Variants in CHRM5 observed in about 807,000 individuals in gnomAD.
The protein encoded by CHRM5 is cholinergic receptor muscarinic 5.
A neutral mutation model predicts 39.0 loss-of-function variants in CHRM5; 18 were observed. The ratio of observed to expected loss-of-function variants is 0.46; its 90% CI spans 0.32 to 0.68. The LOEUF (loss-of-function observed/expected upper bound fraction) is 0.68, where lower values mean the gene tolerates loss of function less well. Ranked by LOEUF, CHRM5 falls within the 30% of genes least tolerant of loss-of-function variation. The pLI, the probability that CHRM5 is intolerant of heterozygous loss-of-function variation, is 0.04. For missense variants in CHRM5, 515 were observed against 651.1 expected, an observed-to-expected ratio of 0.79 and a Z score of 2.28; for synonymous variants, 241 against 246.3, an observed-to-expected ratio of 0.98 and a Z score of 0.20.
chr15:33,991,700 A>G (rs1382812398), intron 1 of CHRM5: 1 of 152,202 alleles, frequency 6.6e-6, no homozygotes, highest in South Asian at 2.1e-4. Flanking sequence ...TGTAAGAAAA[A>G]AGCTAAAGAA....
rs545141943 is a variant in CHRM5, at chr15:34,014,732, T to C, written c.-407-31808T>C. 2.8e-4 allele frequency among the ~76,000 whole-genome samples: 43 copies of C among 152,260 alleles called. No homozygotes were observed. The South Asian group carries it at 8.7e-3, about 31-fold the overall frequency. ...CCCATCTGGGAACAGCGGCTAAATA[T>C]GTTGGGTCTACTCCAACAGCTGGTG... On this transcript the variant is annotated intron_variant, in intron 1 of 2. Transcript: ENST00000383263.
intron 1 of CHRM5, among the ~76,000 whole-genome samples, chr15:34,005,445 C>A (rs1187456838): frequency 1.5e-4 from 23 of 152,188 alleles, no homozygotes; most frequent in African/African-American, 5.5e-4. Context: ...TTTTTTATCT[C>A]CAATATTATC....
intron 1 of CHRM5, among the ~76,000 whole-genome samples, chr15:34,003,638 G>C (rs570017661): frequency 6.6e-6 from 1 of 152,090 alleles, no homozygotes; most frequent in African/African-American, 2.4e-5. Flanking sequence ...TAATTTTTTA[G>C]AGCAATGAAA....
chr15:34,063,115 C>T lies in CHRM5; in HGVS notation c.398C>T (p.Thr133Ile). Residue 133 changes from threonine (T) to isoleucine (I), a missense_variant, in exon 3 of 3, where the codon ACA (threonine) becomes ATA (isoleucine). By Grantham distance (89) the Thr-to-Ile change is moderately conservative. Coordinates refer to ENST00000383263, the MANE Select transcript of CHRM5 (RefSeq NM_012125.4). This position sits in a 1 kb window ranked among gnomAD's most constrained non-coding sequence, Gnocchi z 4.1. ...AGTTTTGACCGTTACTTTTCCATCA[C>T]AAGACCCTTGACATATCGGGCCAAG... ...VISFDRYFSI[T>I]RPLTYRAKRT... 1 of 1,614,196 alleles carries T rather than the reference C, an allele frequency of 6.2e-7. No homozygotes were observed. The highest frequency in any genetic ancestry group is 8.5e-7 in the Non-Finnish European group (1 of 1,180,036).
At chr15:34,042,400 T>G (rs1460759033) in intron 1 of CHRM5, among the ~76,000 whole-genome samples, 6 of 148,828 alleles carry the variant, frequency 4.0e-5, no homozygotes, top group Non-Finnish European at 1.5e-5. Flanking sequence ...ACCTAAGTTT[T>G]TTTTTTTTTT....
chr15:34,029,812 T>G (rs1200379409), intron 1 of CHRM5, among the ~76,000 whole-genome samples: 3 of 152,228 alleles, frequency 2.0e-5, no homozygotes, highest in African/African-American at 7.2e-5. Flanking sequence ...AATATAAGAC[T>G]AATCTTCAAT....
chr15:34,039,012 C>G, intron 1 of CHRM5: 2 of 1,124,164 alleles, frequency 1.8e-6, no homozygotes, highest in South Asian at 3.7e-5. Flanking sequence ...TGGCCGCCGC[C>G]CACGGCCTCC....
intron 1 of CHRM5, among the ~76,000 whole-genome samples, chr15:34,001,224 G>A (rs1442907246): frequency 6.6e-6 from 1 of 152,052 alleles, no homozygotes; most frequent in Non-Finnish European, 1.5e-5. Context: ...GTTTCACTAT[G>A]TTGGCCAGGA....
chr15:34,011,758 T>C (rs1897648225), intron 1 of CHRM5, among the ~76,000 whole-genome samples: 1 of 152,204 alleles, frequency 6.6e-6, no homozygotes, highest in African/African-American at 2.4e-5. Context: ...ATGTGTGTCA[T>C]TTTGCTTCCA....
At chr15:33,971,401 T>C (rs1895633640) in intron 1 of CHRM5, among the ~76,000 whole-genome samples, 1 of 152,092 alleles carries the variant, frequency 6.6e-6, no homozygotes, top group South Asian at 2.1e-4. Flanking sequence ...CCTATTGCTA[T>C]ATCCTTAAAT....
At chr15:33,990,077 G>T (rs1039890363) in intron 1 of CHRM5, among the ~76,000 whole-genome samples, 1 of 151,872 alleles carries the variant, frequency 6.6e-6, no homozygotes, top group Non-Finnish European at 1.5e-5. Context: ...GGTGGTGGGC[G>T]CCTATAATCC....
intron 2 of CHRM5, among the ~76,000 whole-genome samples, chr15:34,048,143 T>C (rs1440577160): frequency 1.3e-5 from 2 of 152,230 alleles, no homozygotes; most frequent in African/African-American, 4.8e-5. Context: ...TCCAAAGTGC[T>C]GGGATTACAG....
chr15:34,048,037 TTG>T (rs1337362496), intron 2 of CHRM5, among the ~76,000 whole-genome samples: 1 of 77,116 alleles, frequency 1.3e-5, no homozygotes, highest in South Asian at 4.4e-4. Flanking sequence ...GTGTGTGTGT[TTG>T]TGTGTGTGTG....
chr15:34,061,534 T>C (rs147075599), intron 2 of CHRM5, among the ~76,000 whole-genome samples: 1 of 152,350 alleles, frequency 6.6e-6, no homozygotes, highest in Admixed American at 6.5e-5. Context: ...TATTTATTAG[T>C]ATATGCATAT....
chr15:34,015,758 A>T (rs1054892283), intron 1 of CHRM5, among the ~76,000 whole-genome samples: 3 of 152,212 alleles, frequency 2.0e-5, no homozygotes, highest in Admixed American at 1.3e-4. Context: ...TCTCACACGG[A>T]TCTTCACTCC....
At chr15:34,049,745 C>T (rs566801613) in intron 2 of CHRM5, among the ~76,000 whole-genome samples, 47 of 151,924 alleles carry the variant, frequency 3.1e-4, no homozygotes, top group African/African-American at 1.1e-3. Flanking sequence ...GATTCTCCAA[C>T]GTTGAAATGA....
intron 1 of CHRM5, among the ~76,000 whole-genome samples, chr15:33,993,508 G>T (rs984463977): frequency 6.6e-6 from 1 of 152,126 alleles, no homozygotes; most frequent in African/African-American, 2.4e-5. Flanking sequence ...GGAAAGGGCT[G>T]CCTCTCCAAA....
intron 1 of CHRM5, among the ~76,000 whole-genome samples, chr15:34,026,345 C>G (rs1249297543): frequency 1.3e-5 from 2 of 152,124 alleles, no homozygotes; most frequent in Admixed American, 6.6e-5. Flanking sequence ...ATAGATGAAG[C>G]TTTTAACCTC....
chr15:33,989,218 T>C (rs1315922865), intron 1 of CHRM5, among the ~76,000 whole-genome samples: 1 of 152,168 alleles, frequency 6.6e-6, no homozygotes, highest in Non-Finnish European at 1.5e-5. Flanking sequence ...TACATATATA[T>C]GTTAGTACCA....
Sources: gnomAD v4.1 joint callset for allele counts (sites outside exome capture counted in the v4.1 genomes callset) on GRCh38, gnomAD v4.1.1 for gene constraint, Gnocchi (gnomAD v3.1) non-coding constraint, MANE v1.5 for transcripts, NCBI Gene and HGNC (gene_info 2026-07-23, HGNC 2026-07-21) for gene names.